Variants in RARRES1 observed in about 807,000 individuals in gnomAD.
RARRES1 encodes the protein retinoic acid receptor responder protein 1.
In RARRES1, 34 loss-of-function variants were observed where a neutral mutation model predicts 30.6. The observed-to-expected ratio is 1.11, with a 90% confidence interval of 0.84 to 1.48. RARRES1 has a LOEUF of 1.48. Ranked by LOEUF, RARRES1 falls within the 40% of genes most tolerant of loss-of-function variation. The pLI is 0.00. For synonymous variants in RARRES1, 153 were observed against 155.5 expected, an observed-to-expected ratio of 0.98 and a Z score of 0.12; for missense variants, 373 against 386.5, an observed-to-expected ratio of 0.97 and a Z score of 0.29.
chr3:158,704,210 CTTTTT>C (rs78169321), intron 4 of RARRES1, among the ~76,000 whole-genome samples: 1 of 82,808 alleles, frequency 1.2e-5, no homozygotes, highest in Non-Finnish European at 2.3e-5. Context: ...TATTGCAATA[CTTTTT>C]TTTTTTTTTT....
chr3:158,719,824 C>T (rs1727443191), intron 1 of RARRES1, among the ~76,000 whole-genome samples: 1 of 152,184 alleles, frequency 6.6e-6, no homozygotes. Context: ...CTGAACTCAT[C>T]ACACTAGATT....
At position 158,704,640 on chromosome 3, in the gene RARRES1, T is replaced by C. The variant is rs951238974; in HGVS notation, c.672+151A>G. 8.0e-6 allele frequency: 10 copies of C among 1,256,270 alleles called. No individual in the cohort carries two copies. The Admixed American group carries it at 2.4e-4, about 30-fold the overall frequency. The allele number at this position is 1,256,270 out of a possible 1,614,324, so 77.8% of individuals were successfully genotyped here. A position where few individuals can be genotyped will look rare whatever the true frequency, so the allele number is the denominator to read the frequency against. On this transcript the variant is annotated intron_variant, in intron 4 of 5. Transcript: ENST00000237696. Reference sequence around the variant, plus strand: ...ACTGTATCCCCAGCCCCTGAAACAATACTTGGCCCATTGCAGGAACTCACA... The same window carrying C: ...ACTGTATCCCCAGCCCCTGAAACAACACTTGGCCCATTGCAGGAACTCACA...
chr3:158,722,620 T>TG (rs1328629833), intron 1 of RARRES1, among the ~76,000 whole-genome samples: 3 of 152,108 alleles, frequency 2.0e-5, no homozygotes, highest in Non-Finnish European at 4.4e-5. Flanking sequence ...CTGTGGCTCA[T>TG]GCCTGTAATC....
chr3:158,717,671 G>A (rs547384399), intron 1 of RARRES1, among the ~76,000 whole-genome samples: 2 of 151,584 alleles, frequency 1.3e-5, no homozygotes, highest in East Asian at 3.9e-4. Context: ...CCCTCTAGCT[G>A]GAGTGTGGAG....
chr3:158,710,848 T>C lies in RARRES1; in HGVS notation c.425A>G (p.Asn142Ser), dbSNP rs141864364. Reference sequence around the variant, plus strand: ...CTCGATGAGCCGTGTACAAGTTACATTGATGGTTGGTCTGGGTTTCTGATT... The same window carrying C: ...CTCGATGAGCCGTGTACAAGTTACACTGATGGTTGGTCTGGGTTTCTGATT... The part of the protein sequence containing the change: ...FKNQKPRPTI[N>S]VTCTRLIEKK... The change falls in exon 3 of 6, where the codon AAT (asparagine) becomes AGT (serine). Residue 142 changes from asparagine (N) to serine (S), a missense_variant. Transcript: ENST00000237696. 1,949 of 1,613,722 alleles carry C rather than the reference T, an allele frequency of 1.2e-3. 21 individuals carry two copies. In the African/African-American group the frequency reaches 0.022, roughly 18 times the overall value.
chr3:158,713,945 G>C, intron 1 of RARRES1, 86 bp from the exon 2 acceptor site: 3 of 1,197,638 alleles, frequency 2.5e-6, no homozygotes, highest in Non-Finnish European at 3.7e-6. Flanking sequence ...GGATAACATG[G>C]CATGCAAATG....
chr3:158,704,114 A>G (rs1198573628), intron 4 of RARRES1, among the ~76,000 whole-genome samples: 1 of 151,996 alleles, frequency 6.6e-6, no homozygotes, highest in African/African-American at 2.4e-5. Flanking sequence ...CCATGAGCAA[A>G]TACTGTCAAT....
chr3:158,700,230 T>TGTGC (rs1726682174), intron 4 of RARRES1, among the ~76,000 whole-genome samples: 1 of 147,984 alleles, frequency 6.8e-6, no homozygotes, highest in South Asian at 2.2e-4. Context: ...TGTGTATATA[T>TGTGC]ATATATATAA....
In RARRES1 at chr3:158,710,871, AT is replaced by A. The variant is rs1727106163; in HGVS notation, c.401del (p.Asn134IlefsTer10). On this transcript the variant is annotated frameshift_variant, in exon 3 of 6. Coordinates refer to ENST00000237696, the MANE Select transcript of RARRES1 (RefSeq NM_206963.2). LOFTEE classifies it high-confidence loss of function. The stretch of plus-strand genomic sequence containing the variant: ...CATTGATGGTTGGTCTGGGTTTCTG[AT>A]TCTTGAAAAACACTCGAGCAGAACA... ...GKCSARVFFK[N>X]QKPRPTINVT... 1 of 1,613,716 alleles carries A rather than the reference AT, an allele frequency of 6.2e-7. No homozygotes were observed. Among genetic ancestry groups the A allele is most frequent in the Admixed American group, 1.7e-5 (1 of 59,962 alleles).
chr3:158,720,274 G>GTGTGT (rs1559873770), intron 1 of RARRES1, among the ~76,000 whole-genome samples: 7 of 126,498 alleles, frequency 5.5e-5, no homozygotes, highest in African/African-American at 1.3e-4. Context: ...GTATGTGTGT[G>GTGTGT]AGAGAGAGAG....
At position 158,710,728 on chromosome 3, in the gene RARRES1, T is replaced by C; in HGVS notation, c.535+10A>G. On this transcript the variant is annotated intron_variant, in intron 3 of 5. Transcript: ENST00000237696. The stretch of plus-strand genomic sequence containing the variant: ...TCCTGAATATAGAAATTCCAAATGC[T>C]GATTCATACCAGGTATGCTGACTAT... 6.3e-7 allele frequency: 1 copy of C among 1,577,764 alleles called. No individual in the cohort carries two copies. Among genetic ancestry groups the C allele is most frequent in the Non-Finnish European group, 8.7e-7 (1 of 1,153,614 alleles).
rs75236971 is a variant in RARRES1 at position 158,732,325 on chromosome 3, G to A, written c.91C>T (p.Leu31Phe). Reference protein sequence around the residue: ...TAPLLALLLLLAPVAAPAGSG... With the variant: ...TAPLLALLLLFAPVAAPAGSG... ...CCCGCGGGCGCCGCCACCGGGGCGA[G>A]CAACAGCAGCAGCGCGAGCAGCGGG... Residue 31 changes from leucine to phenylalanine, a missense_variant, in exon 1 of 6, where the codon CTC becomes TTC. Leu to Phe is a conservative substitution (Grantham distance 22, BLOSUM62 0). Transcript: ENST00000237696. 1.5e-5 allele frequency: 20 copies of A among 1,371,808 alleles called. No individual in the cohort carries two copies. In the East Asian group the frequency reaches 3.4e-4, roughly 23 times the overall value. 85.0% of individuals were successfully genotyped at this position (1,371,808 alleles called of 1,614,324 possible).
intron 1 of RARRES1, among the ~76,000 whole-genome samples, chr3:158,720,233 GGTGTGTGTGT>G (rs781535998): frequency 4.0e-4 from 56 of 139,350 alleles, no homozygotes; most frequent in African/African-American, 1.3e-3. Flanking sequence ...GCTGGCTGCT[GGTGTGTGTGT>G]GTGTGTGTGT....
chr3:158,704,608 G>T, intron 4 of RARRES1, 183 bp downstream of exon 4: 1 of 947,822 alleles, frequency 1.1e-6, no homozygotes. Context: ...TTGTGTCTTT[G>T]TTCACGACTG....
intron 4 of RARRES1, among the ~76,000 whole-genome samples, chr3:158,703,955 A>G (rs1023011326): frequency 3.3e-4 from 50 of 152,270 alleles, no homozygotes; most frequent in African/African-American, 1.2e-3. Flanking sequence ...AGAATTTAGA[A>G]TGCCCCAAAT....
chr3:158,728,369 T>G (rs1220627402), intron 1 of RARRES1, among the ~76,000 whole-genome samples: 1 of 152,150 alleles, frequency 6.6e-6, no homozygotes, highest in Non-Finnish European at 1.5e-5. Context: ...CTTCTCTTCC[T>G]TACCTGGCTA....
intron 1 of RARRES1, among the ~76,000 whole-genome samples, chr3:158,730,420 CTCT>C (rs1727844311): frequency 2.0e-5 from 3 of 148,174 alleles, no homozygotes; most frequent in Non-Finnish European, 4.5e-5. Flanking sequence ...TCCTTCCTCT[CTCT>C]CTTTCTCTCT....
chr3:158,704,864 G>A lies in RARRES1; in HGVS notation c.599C>T (p.Ser200Phe), dbSNP rs138281132. Residue 200 changes from serine (S) to phenylalanine (F), a missense_variant, in exon 4 of 6, where the codon TCT becomes TTT. By Grantham distance (155) the Ser-to-Phe change is radical. Transcript: ENST00000237696. ...LIWDLAFLGS[S>F]YVMWEMTTQV... is the part of the protein sequence containing the mutation. ...TGTTGTCATTTCCCACATCACGTAA[G>A]AGCTTCCAAGGAAAGCCAAATCCCA... 1.5e-4 allele frequency: 250 copies of A among 1,613,926 alleles called. No homozygotes were observed. The highest frequency in any genetic ancestry group is 2.0e-4 in the Non-Finnish European group (241 of 1,180,026).
chr3:158,711,253 A>T (rs1648496288), intron 2 of RARRES1, among the ~76,000 whole-genome samples: 1 of 152,192 alleles, frequency 6.6e-6, no homozygotes, highest in African/African-American at 2.4e-5. Context: ...TTGAATGTGG[A>T]CCAACATAAT....
Sources: allele counts gnomAD v4.1 joint callset (sites outside exome capture counted in the v4.1 genomes callset), GRCh38; gene constraint gnomAD v4.1.1; transcripts MANE v1.5; gene names NCBI Gene and HGNC (gene_info 2026-07-23, HGNC 2026-07-21).